KIRREL3: variants seen among roughly 807,000 people sequenced by gnomAD.
The protein encoded by KIRREL3 is kirre like nephrin family adhesion molecule 3.
A neutral mutation model predicts 89.7 loss-of-function variants in KIRREL3; 36 were observed. The ratio of observed to expected loss-of-function variants is 0.40; its 90% CI spans 0.31 to 0.53. The LOEUF (loss-of-function observed/expected upper bound fraction) is 0.53. Among genes scored for constraint, KIRREL3 ranks in the 20% least tolerant of loss-of-function variants. The pLI is 0.49. For synonymous variants in KIRREL3, 445 were observed against 441.4 expected, an observed-to-expected ratio of 1.01 and a Z score of -0.10; for missense variants, 864 against 1,056.6, an observed-to-expected ratio of 0.82 and a Z score of 2.53.
chr11:126,960,378 C>T (rs1949048765), intron 1 of KIRREL3, among the ~76,000 whole-genome samples: 1 of 152,166 alleles, frequency 6.6e-6, no homozygotes, highest in Admixed American at 6.5e-5. Context: ...CAGCCGAGGA[C>T]ACTGAACCAA....
chr11:126,829,625 T>C (rs2134480785), intron 1 of KIRREL3, among the ~76,000 whole-genome samples: 1 of 152,294 alleles, frequency 6.6e-6, no homozygotes, highest in East Asian at 1.9e-4. Flanking sequence ...CATGTGTTCA[T>C]TTACATTGTC....
rs115988752 is a variant in KIRREL3 at position 127,000,074 on chromosome 11, C to T, written c.55+381G>A. Among the ~76,000 whole-genome samples the T allele has an allele frequency of 8.5e-3, 1,292 of 152,290 alleles. 26 individuals are homozygous for T. The highest frequency in any genetic ancestry group is 0.03 in the African/African-American group (1,243 of 41,556). ...AAACCAAGCTCTCCCTCCCTGCCGTCTCCTTCCCTGGCCTGGGTCTGAAGG... is the reference window on the plus strand; with the variant it reads ...AAACCAAGCTCTCCCTCCCTGCCGTTTCCTTCCCTGGCCTGGGTCTGAAGG... On this transcript the variant is annotated intron_variant, in intron 1 of 16. Transcript: ENST00000525144. This position sits in a 1 kb window ranked among gnomAD's most constrained non-coding sequence, Gnocchi z 7.1.
intron 1 of KIRREL3, among the ~76,000 whole-genome samples, chr11:126,743,547 G>A (rs1001735702): frequency 3.9e-5 from 6 of 152,204 alleles, no homozygotes; most frequent in African/African-American, 1.4e-4. Context: ...AAGGCAAATG[G>A]GGTATTTAAA....
At chr11:126,853,073 G>A (rs1279765883) in intron 1 of KIRREL3, among the ~76,000 whole-genome samples, 1 of 152,006 alleles carries the variant, frequency 6.6e-6, no homozygotes, top group Non-Finnish European at 1.5e-5. Context: ...TTTTTGTGTT[G>A]TTGCTTTTTT....
intron 4 of KIRREL3, among the ~76,000 whole-genome samples, chr11:126,478,494 C>T (rs147559072): frequency 6.6e-5 from 10 of 151,758 alleles, no homozygotes; most frequent in African/African-American, 2.2e-4. Context: ...CTGAGGTCAG[C>T]GTTTTAAATC....
chr11:126,482,664 C>G (rs1957253765), intron 4 of KIRREL3, among the ~76,000 whole-genome samples: 1 of 152,176 alleles, frequency 6.6e-6, no homozygotes, highest in Non-Finnish European at 1.5e-5. Flanking sequence ...TCCCAGATTG[C>G]CCCCTTGGTA....
Position 126,436,821 on chromosome 11 carries a change from G to C in KIRREL3, c.1542C>G (p.Leu514=). 6.2e-7 allele frequency: 1 copy of C among 1,613,558 alleles called. No individual in the cohort carries two copies. The highest frequency in any genetic ancestry group is 8.5e-7 in the Non-Finnish European group (1 of 1,179,878). Residue 514 remains leucine (L), a synonymous_variant, in exon 12 of 17, where the codon CTC becomes CTG. Transcript: ENST00000525144. ...SFGSDTEIIR[L]KEQGSEMKSG... is the part of the protein sequence containing the mutation. ...CCTGGCAGCTCTCACCTTGCTCCTT[G>C]AGCCGGATGATCTCAGTGTCGGAGC... is the stretch of plus-strand genomic sequence containing the variant.
At chr11:126,662,558 A>G (rs1461914706) in intron 1 of KIRREL3, among the ~76,000 whole-genome samples, 1 of 152,226 alleles carries the variant, frequency 6.6e-6, no homozygotes, top group African/African-American at 2.4e-5. Context: ...GCAAGCTAGA[A>G]CAAGTTAGCC....
At chr11:126,693,746 C>T (rs2135141345) in intron 1 of KIRREL3, among the ~76,000 whole-genome samples, 1 of 152,304 alleles carries the variant, frequency 6.6e-6, no homozygotes, top group East Asian at 1.9e-4. Context: ...GGCAGGATTA[C>T]CTTCTAGTGA....
intron 1 of KIRREL3, among the ~76,000 whole-genome samples, chr11:126,882,997 T>A (rs1945562745): frequency 6.6e-6 from 1 of 152,226 alleles, no homozygotes; most frequent in East Asian, 1.9e-4. Context: ...TGAGCCCCTC[T>A]GCCAGTACTC....
At chr11:126,907,355 A>G (rs1405818212) in intron 1 of KIRREL3, among the ~76,000 whole-genome samples, 1 of 152,168 alleles carries the variant, frequency 6.6e-6, no homozygotes, top group Non-Finnish European at 1.5e-5. Context: ...ATTTTCATCA[A>G]AGAATATCAT....
At position 126,954,309 on chromosome 11, in the gene KIRREL3, A is replaced by G. The variant is rs548190698; in HGVS notation, c.55+46146T>C. ...CCTCACAGTTGACATTTTATTTTAT[A>G]GTCACGTTAGAGTTGAGTTCAGACT... On this transcript the variant is annotated intron_variant, in intron 1 of 16. Coordinates refer to ENST00000525144, the MANE Select transcript of KIRREL3 (RefSeq NM_032531.4). The surrounding 1 kb of genome is among the most constrained non-coding windows in gnomAD (Gnocchi z 4.1). 3.0e-4 allele frequency among the ~76,000 whole-genome samples: 45 copies of G among 150,918 alleles called. No individual in the cohort carries two copies. The highest frequency in any genetic ancestry group is 1.7e-3 in the South Asian group (8 of 4,802).
rs1947672428 is a variant in KIRREL3, at chr11:126,709,502, C to T, written c.56-146590G>A. Among the ~76,000 whole-genome samples, 2 of 152,082 alleles carry T rather than the reference C, an allele frequency of 1.3e-5. No individual in the cohort carries two copies. The highest frequency in any genetic ancestry group is 4.2e-4 in the South Asian group (2 of 4,816). On this transcript the variant is annotated intron_variant, in intron 1 of 16. Transcript: ENST00000525144. This position sits in a 1 kb window ranked among gnomAD's most constrained non-coding sequence, Gnocchi z 4.0. ...AACTGTGTCCCCAACATTCATATGC[C>T]CCAATACTTCAGAATGTGTCTATAT...
intron 1 of KIRREL3, chr11:126,944,222 G>A (rs1948550768): frequency 6.6e-6 from 1 of 152,192 alleles, no homozygotes; most frequent in African/African-American, 2.4e-5. Context: ...GAAATGCACA[G>A]GTTTCCCTGT....
chr11:126,863,423 A>AG (rs1565362853), intron 1 of KIRREL3, among the ~76,000 whole-genome samples: 2 of 20,612 alleles, frequency 9.7e-5, no homozygotes, highest in African/African-American at 2.5e-4. Context: ...GTGTGAGCGC[A>AG]TGTGTGTGAG....
In KIRREL3 at chr11:126,867,245, A is replaced by G. The variant is rs927122863; in HGVS notation, c.55+133210T>C. ...CCACACTCCTATCACACAGCCTGCCATGGGGATAAAGGAAATTCTCCCGTT... is the reference window on the plus strand; with the variant it reads ...CCACACTCCTATCACACAGCCTGCCGTGGGGATAAAGGAAATTCTCCCGTT... On this transcript the variant is annotated intron_variant, in intron 1 of 16. Coordinates refer to ENST00000525144, the MANE Select transcript of KIRREL3 (RefSeq NM_032531.4). The surrounding 1 kb of genome is among the most constrained non-coding windows in gnomAD (Gnocchi z 4.7). Among the ~76,000 whole-genome samples, 8 of 152,220 alleles carry G rather than the reference A, an allele frequency of 5.3e-5. No individual in the cohort carries two copies. The highest frequency in any genetic ancestry group is 8.8e-5 in the Non-Finnish European group (6 of 68,042).
Position 126,768,851 on chromosome 11 carries a change from G to T in KIRREL3, c.56-205939C>A, listed in dbSNP as rs1949929934. On this transcript the variant is annotated intron_variant, in intron 1 of 16. Coordinates refer to ENST00000525144, the MANE Select transcript of KIRREL3 (RefSeq NM_032531.4). The surrounding 1 kb of genome is among the most constrained non-coding windows in gnomAD (Gnocchi z 4.5). ...GAGCAGTCGGCGGAGACCAGACATA[G>T]AGCTCCATGGAGCACGAGAGCCATG... Among the ~76,000 whole-genome samples the T allele has an allele frequency of 6.6e-6, 1 of 152,198 alleles. No individual in the cohort carries two copies. Among genetic ancestry groups the T allele is most frequent in the African/African-American group, 2.4e-5 (1 of 41,450 alleles).
At chr11:126,885,512 C>T (rs938921796) in intron 1 of KIRREL3, among the ~76,000 whole-genome samples, 4 of 152,174 alleles carry the variant, frequency 2.6e-5, no homozygotes, top group South Asian at 2.1e-4. Flanking sequence ...ATTTAATTTT[C>T]GTTTGCATTG....
chr11:126,538,056 A>C (rs987904701), intron 2 of KIRREL3, among the ~76,000 whole-genome samples: 17 of 149,196 alleles, frequency 1.1e-4, no homozygotes, highest in Admixed American at 1.1e-3. Context: ...CCTGTCTTGC[A>C]GAGTCCCAAG....
Sources: gnomAD v4.1 joint callset for allele counts (sites outside exome capture counted in the v4.1 genomes callset) on GRCh38, gnomAD v4.1.1 for gene constraint, Gnocchi (gnomAD v3.1) non-coding constraint, MANE v1.5 for transcripts, NCBI Gene and HGNC (gene_info 2026-07-23, HGNC 2026-07-21) for gene names.